The following FSTL5 variants were observed in gnomAD, a reference collection of about 807,000 sequenced individuals.
FSTL5 encodes follistatin-related protein 5.
A neutral mutation model predicts 89.1 loss-of-function variants in FSTL5; 62 were observed. The ratio of observed to expected loss-of-function variants is 0.70; its 90% CI spans 0.57 to 0.86. The LOEUF is 0.86. Among genes scored for constraint, FSTL5 ranks in the 40% least tolerant of loss-of-function variants. The probability of loss-of-function intolerance (pLI) is 0.00; values close to 1 mark genes in which losing one functional copy is unlikely to be tolerated. For synonymous variants in FSTL5, 383 were observed against 346.2 expected, an observed-to-expected ratio of 1.11 and a Z score of -1.18; for missense variants, 1,057 against 1,001.6, an observed-to-expected ratio of 1.06 and a Z score of -0.75.
intron 15 of FSTL5, among the ~76,000 whole-genome samples, chr4:161,394,432 T>C (rs1209517109): frequency 6.6e-6 from 1 of 152,008 alleles, no homozygotes; most frequent in Non-Finnish European, 1.5e-5. Flanking sequence ...CGTGCCACCG[T>C]GCCCGGCAAA....
intron 2 of FSTL5, among the ~76,000 whole-genome samples, chr4:162,035,897 G>A (rs1312964327): frequency 6.6e-6 from 1 of 152,062 alleles, no homozygotes; most frequent in Non-Finnish European, 1.5e-5. Flanking sequence ...AGCCAACAAA[G>A]ATGACTCCAA....
chr4:161,622,534 T>C (rs925129247), intron 7 of FSTL5, among the ~76,000 whole-genome samples: 2 of 151,796 alleles, frequency 1.3e-5, no homozygotes, highest in Non-Finnish European at 2.9e-5. Context: ...TAAATAAATA[T>C]GTATTTATTT....
chr4:161,595,642 A>G (rs1379431362), intron 7 of FSTL5, among the ~76,000 whole-genome samples: 1 of 152,078 alleles, frequency 6.6e-6, no homozygotes, highest in Non-Finnish European at 1.5e-5. Flanking sequence ...GTAACAAAAC[A>G]TTTAATAACC....
At chr4:162,009,597 TAAGAG>T (rs1736703383) in intron 3 of FSTL5, among the ~76,000 whole-genome samples, 1 of 151,972 alleles carries the variant, frequency 6.6e-6, no homozygotes, top group Non-Finnish European at 1.5e-5. Flanking sequence ...GTGGACAATA[TAAGAG>T]AAAATAATAC....
intron 3 of FSTL5, among the ~76,000 whole-genome samples, chr4:161,967,913 T>A (rs1482193019): frequency 6.6e-6 from 1 of 152,100 alleles, no homozygotes; most frequent in Non-Finnish European, 1.5e-5. Context: ...GATAATATTT[T>A]GTGTTGAAAA....
rs747988062 is a variant in FSTL5 at position 161,704,158 on chromosome 4, C to G, written c.728-47664G>C. Among the ~76,000 whole-genome samples the G allele has an allele frequency of 4.9e-4, 74 of 152,050 alleles. 1 individual carries two copies. Among genetic ancestry groups the G allele is most frequent in the Non-Finnish European group, 6.3e-4 (43 of 68,004 alleles). On this transcript the variant is annotated intron_variant, in intron 6 of 15. Coordinates refer to ENST00000306100, the MANE Select transcript of FSTL5 (RefSeq NM_020116.5). ...ATGCATATCTAATTGCCTTCTTTGGCGAGGCTAATCAGAAACTCACAAAAG... is the reference window on the plus strand; with the variant it reads ...ATGCATATCTAATTGCCTTCTTTGGGGAGGCTAATCAGAAACTCACAAAAG...
At chr4:161,975,227 AT>A (rs2111026885) in intron 3 of FSTL5, among the ~76,000 whole-genome samples, 1 of 139,466 alleles carries the variant, frequency 7.2e-6, no homozygotes, top group South Asian at 2.4e-4. Context: ...TAGAAATACC[AT>A]TTGACCCAGC....
chr4:162,074,841 C>T (rs1387843933), intron 2 of FSTL5, among the ~76,000 whole-genome samples: 1 of 151,676 alleles, frequency 6.6e-6, no homozygotes, highest in Admixed American at 6.6e-5. Context: ...ATACCGAACA[C>T]TTAGCCTACT....
chr4:161,842,494 C>T (rs9308039), intron 4 of FSTL5, among the ~76,000 whole-genome samples: 111,948 of 151,970 alleles, frequency 0.74, 41,618 homozygotes, highest in East Asian at 0.82. Context: ...AATTACCATA[C>T]ATTTTATTTC....
At chr4:161,884,061 T>TC (rs1055791748) in intron 4 of FSTL5, among the ~76,000 whole-genome samples, 17 of 5,342 alleles carry the variant, frequency 3.2e-3, no homozygotes, top group Admixed American at 0.011. Flanking sequence ...TTTAATTTAA[T>TC]TTTTTTTGAG....
intron 4 of FSTL5, among the ~76,000 whole-genome samples, chr4:161,850,370 ACAT>A (rs145222648): frequency 0.035 from 5,267 of 152,270 alleles, 175 homozygotes; most frequent in East Asian, 0.15. Flanking sequence ...GATTTTTAAA[ACAT>A]TCAGCCATTT....
chr4:161,537,628 C>A (rs1436907383), intron 10 of FSTL5, among the ~76,000 whole-genome samples: 1 of 152,082 alleles, frequency 6.6e-6, no homozygotes, highest in African/African-American at 2.4e-5. Context: ...ACCATGATGG[C>A]AAAGGATTTT....
chr4:161,770,734 C>A (rs1433558022), intron 5 of FSTL5, among the ~76,000 whole-genome samples: 1 of 151,680 alleles, frequency 6.6e-6, no homozygotes, highest in Non-Finnish European at 1.5e-5. Flanking sequence ...TATATGTAGA[C>A]AAATTGTAAT....
chr4:162,053,835 A>C (rs1738457453), intron 2 of FSTL5, among the ~76,000 whole-genome samples: 2 of 151,844 alleles, frequency 1.3e-5, no homozygotes, highest in Admixed American at 6.6e-5. Context: ...TCTGTCCAAA[A>C]ATTCAAAAAT....
At chr4:161,835,758 C>T (rs530830463) in intron 4 of FSTL5, among the ~76,000 whole-genome samples, 3 of 152,274 alleles carry the variant, frequency 2.0e-5, no homozygotes, top group South Asian at 4.2e-4. Flanking sequence ...AATGGGATAC[C>T]ATCCCACACC....
intron 5 of FSTL5, among the ~76,000 whole-genome samples, chr4:161,764,638 TA>T (rs70937683): frequency 1.3e-4 from 20 of 151,994 alleles, no homozygotes; most frequent in Non-Finnish European, 2.1e-4. Flanking sequence ...ATATAACATT[TA>T]AAAAAAATCA....
intron 6 of FSTL5, among the ~76,000 whole-genome samples, chr4:161,726,901 CAAA>C (rs752981511): frequency 4.6e-4 from 65 of 142,716 alleles, no homozygotes; most frequent in Non-Finnish European, 6.4e-4. Context: ...TCCCAAAGAG[CAAA>C]AAAAAAAAAT....
At chr4:161,476,106 A>G (rs568265410) in intron 13 of FSTL5, among the ~76,000 whole-genome samples, 2 of 144,680 alleles carry the variant, frequency 1.4e-5, no homozygotes, top group African/African-American at 5.1e-5. Flanking sequence ...TTTGAAGACT[A>G]AGCATTCAAA....
chr4:161,814,705 G>C (rs1730270900), intron 4 of FSTL5, among the ~76,000 whole-genome samples: 1 of 151,974 alleles, frequency 6.6e-6, no homozygotes, highest in Non-Finnish European at 1.5e-5. Flanking sequence ...CACCTTAATA[G>C]CTTTTGTCTT....
Sources: gnomAD v4.1 joint callset for allele counts (sites outside exome capture counted in the v4.1 genomes callset) on GRCh38, gnomAD v4.1.1 for gene constraint, MANE v1.5 for transcripts, NCBI Gene and HGNC (gene_info 2026-07-23, HGNC 2026-07-21) for gene names.